Variants in SLF1 observed in about 807,000 individuals in gnomAD.
The protein encoded by SLF1 is SMC5-SMC6 complex localization factor protein 1.
SLF1 carries 105 observed loss-of-function variants against 123.0 expected under a neutral mutation model. That is an observed-to-expected ratio of 0.85 (90% confidence interval 0.73 to 1.00). The LOEUF is 1.00. Among genes scored for constraint, SLF1 ranks in the 50% least tolerant of loss-of-function variants. The pLI is 0.00. For synonymous variants in SLF1, 434 were observed against 406.6 expected (o/e 1.07, Z -0.81); for missense variants, 1,239 against 1,223.0 (o/e 1.01, Z -0.20).
chr5:94,681,012 A>G (rs1196425163), intron 15 of SLF1, among the ~76,000 whole-genome samples: 1 of 152,268 alleles, frequency 6.6e-6, no homozygotes, highest in Non-Finnish European at 1.5e-5. Context: ...AGTACTTTTA[A>G]GCCTTTTTCT....
At position 94,686,674 on chromosome 5, in the gene SLF1, A is replaced by G. The variant is rs1561475730; in HGVS notation, c.2077A>G (p.Ser693Gly). ...EAVFKKLCLQ[S>G]SGSVSSEPLS... ...AGTCTTTAAAAAGTTGTGTCTACAG[A>G]GCTCTGGCAGTGTTTCTTCTGAGCC... Residue 693 changes from serine to glycine, a missense_variant, in exon 16 of 21, where the codon AGC becomes GGC. Ser to Gly is a moderately conservative substitution (Grantham distance 56). Transcript: ENST00000265140. The G allele has an allele frequency of 1.2e-6, 2 of 1,614,122 alleles. No homozygotes were observed. The highest frequency in any genetic ancestry group is 1.7e-4 in the Middle Eastern group (1 of 6,060).
intron 4 of SLF1, among the ~76,000 whole-genome samples, chr5:94,642,980 T>A (rs1462161725): frequency 1.3e-5 from 2 of 152,168 alleles, no homozygotes; most frequent in Admixed American, 6.5e-5. Context: ...TCTTTTGGTT[T>A]ATTGACATGA....
At chr5:94,631,882 A>G (rs1162637449) in intron 4 of SLF1, among the ~76,000 whole-genome samples, 1 of 152,138 alleles carries the variant, frequency 6.6e-6, no homozygotes, top group Non-Finnish European at 1.5e-5. Context: ...TGAGAGGCCA[A>G]GGCAGGAGGT....
chr5:94,633,427 A>T (rs1745424493), intron 4 of SLF1, among the ~76,000 whole-genome samples: 2 of 152,170 alleles, frequency 1.3e-5, no homozygotes, highest in African/African-American at 4.8e-5. Flanking sequence ...TGTATCCTAA[A>T]CCTGATAAAT....
At position 94,671,123 on chromosome 5, in the gene SLF1, A is replaced by G. The variant is rs1266917141; in HGVS notation, c.1827+115A>G. 8 of 759,686 alleles carry G rather than the reference A, an allele frequency of 1.1e-5. No homozygotes were observed. In the East Asian group the frequency reaches 2.2e-4, roughly 21 times the overall value. The allele number at this position is 759,686 out of a possible 1,614,324, so 47.1% of individuals were successfully genotyped here. On this transcript the variant is annotated intron_variant, in intron 14 of 20. Transcript: ENST00000265140. ...CTCGAAAACAATTAAAATGTACCCA[A>G]ATATATCATTGTTTTCTATTTAGTT...
At chr5:94,690,520 G>T (rs937162215) in intron 18 of SLF1, among the ~76,000 whole-genome samples, 10 of 152,024 alleles carry the variant, frequency 6.6e-5, no homozygotes, top group Non-Finnish European at 1.5e-4. Context: ...ATGATTTTAG[G>T]CAGAACAGCA....
At chr5:94,682,717 A>G (rs776191125) in intron 15 of SLF1, among the ~76,000 whole-genome samples, 1 of 152,210 alleles carries the variant, frequency 6.6e-6, no homozygotes, top group African/African-American at 2.4e-5. Context: ...ATGCCACTCT[A>G]TGTTGTTTCT....
At chr5:94,649,112 T>C (rs1032703314) in intron 5 of SLF1, among the ~76,000 whole-genome samples, 3 of 152,198 alleles carry the variant, frequency 2.0e-5, no homozygotes, top group Non-Finnish European at 4.4e-5. Flanking sequence ...CTGTCTATAA[T>C]TGATGATTTG....
rs1753575675 is a variant in SLF1 at position 94,697,599 on chromosome 5, A to ACCTC, written c.*2287_*2288insCCTC. ...CTTATTACAATGTAAATAAAGCTGG[A>ACCTC]GAGGAGATTTCTGAGCAGTTAAGAT... On this transcript the variant is annotated 3_prime_UTR_variant, in exon 21 of 21. Coordinates refer to ENST00000265140, the MANE Select transcript of SLF1 (RefSeq NM_032290.4). The ACCTC allele has an allele frequency of 6.6e-6, 1 of 151,876 alleles. No individual in the cohort carries two copies. The highest frequency in any genetic ancestry group is 1.5e-5 in the Non-Finnish European group (1 of 67,888). The allele number at this position is 151,876 out of a possible 1,614,324, so 9.4% of individuals were successfully genotyped here.
chr5:94,639,404 T>G (rs1292245104), intron 4 of SLF1, among the ~76,000 whole-genome samples: 2 of 152,226 alleles, frequency 1.3e-5, no homozygotes, highest in African/African-American at 4.8e-5. Context: ...GTTCAGTGTT[T>G]TTAATGGTTT....
chr5:94,685,978 G>A (rs996224696), intron 15 of SLF1, among the ~76,000 whole-genome samples: 3 of 151,790 alleles, frequency 2.0e-5, no homozygotes, highest in Admixed American at 2.0e-4. Context: ...CTCGTTTCAT[G>A]TTTTTCTTCT....
chr5:94,618,933 C>G (rs560035457), intron 1 of SLF1, among the ~76,000 whole-genome samples, 168 bp downstream of exon 1: 3 of 152,210 alleles, frequency 2.0e-5, no homozygotes, highest in Non-Finnish European at 4.4e-5. Context: ...AGCTGCAGTT[C>G]GTTCCAGCTC....
chr5:94,665,559 G>A (rs1160257570), intron 11 of SLF1, among the ~76,000 whole-genome samples: 1 of 152,134 alleles, frequency 6.6e-6, no homozygotes, highest in Admixed American at 6.6e-5. Flanking sequence ...GACTAGCCTG[G>A]CCAACATAGT....
intron 17 of SLF1, among the ~76,000 whole-genome samples, chr5:94,689,158 C>A (rs1738143848): frequency 6.6e-6 from 1 of 152,114 alleles, no homozygotes; most frequent in Admixed American, 6.5e-5. Context: ...GGAGCAGAGG[C>A]CTGCTTGATC....
intron 1 of SLF1, among the ~76,000 whole-genome samples, chr5:94,623,066 T>C (rs966261860): frequency 1.3e-5 from 2 of 152,154 alleles, no homozygotes; most frequent in African/African-American, 4.8e-5. Context: ...TCAAACATGT[T>C]CTAGCTATGT....
At chr5:94,646,721 C>T (rs1413789873) in intron 5 of SLF1, among the ~76,000 whole-genome samples, 2 of 152,068 alleles carry the variant, frequency 1.3e-5, no homozygotes, top group African/African-American at 4.8e-5. Context: ...ACTTTTTGAG[C>T]CAGATCAACT....
chr5:94,653,455 T>G (rs1000734302), intron 8 of SLF1, 34 bp downstream of exon 8: 3 of 1,464,744 alleles, frequency 2.0e-6, no homozygotes, highest in Admixed American at 3.2e-5. Context: ...AGCTTTCTTT[T>G]TTATTTTTTG....
In SLF1 at chr5:94,643,384, C is replaced by CT; in HGVS notation, c.546dup (p.Lys183Ter). The CT allele has an allele frequency of 6.5e-7, 1 of 1,539,162 alleles. No individual in the cohort carries two copies. The highest frequency in any genetic ancestry group is 8.8e-7 in the Non-Finnish European group (1 of 1,139,068). ...TTAAAGCTGAGAAAGAAAAAGATAACTTTAAGGCTCCATTTTATCCAATTC... is the reference window on the plus strand; with the variant it reads ...TTAAAGCTGAGAAAGAAAAAGATAACTTTTAAGGCTCCATTTTATCCAATTC... On this transcript the variant is annotated frameshift_variant, in exon 5 of 21. Coordinates refer to ENST00000265140, the MANE Select transcript of SLF1 (RefSeq NM_032290.4). LOFTEE classifies it high-confidence loss of function.
chr5:94,633,014 G>A (rs1046731972), intron 4 of SLF1, among the ~76,000 whole-genome samples: 1 of 151,202 alleles, frequency 6.6e-6, no homozygotes, highest in South Asian at 2.1e-4. Context: ...TTTTGAGGTA[G>A]CGTTTTGCTC....
Sources: allele counts gnomAD v4.1 joint callset (sites outside exome capture counted in the v4.1 genomes callset), GRCh38; gene constraint gnomAD v4.1.1; transcripts MANE v1.5; gene names NCBI Gene and HGNC (gene_info 2026-07-23, HGNC 2026-07-21).